STAT4: variants seen among roughly 807,000 people sequenced by gnomAD.
STAT4 encodes signal transducer and activator of transcription 4.
Under a neutral mutation model 110.5 loss-of-function variants are expected in STAT4, and 42 were observed. That is an observed-to-expected ratio of 0.38 (90% CI 0.30 to 0.49). The LOEUF is 0.49. STAT4 is among the 20% of genes least tolerant of loss of function. The pLI is 0.95. For missense variants in STAT4, 632 were observed against 887.9 expected, an observed-to-expected ratio of 0.71 and a Z score of 3.66; for synonymous variants, 284 against 302.2, an observed-to-expected ratio of 0.94 and a Z score of 0.63.
intron 14 of STAT4, among the ~76,000 whole-genome samples, chr2:191,044,148 A>C (rs1004189455): frequency 6.6e-6 from 1 of 152,174 alleles, no homozygotes; most frequent in Admixed American, 6.5e-5. Context: ...TCAATAGTCT[A>C]TAAAAATGAA....
intron 3 of STAT4, among the ~76,000 whole-genome samples, chr2:191,097,056 C>A (rs550112829): frequency 6.6e-6 from 1 of 152,274 alleles, no homozygotes; most frequent in South Asian, 2.1e-4. Context: ...AGGAATCCAA[C>A]TTACAAGGGA....
At position 191,031,370 on chromosome 2, in the gene STAT4, T is replaced by TA. The variant is rs2125135229; in HGVS notation, c.2111+79_2111+80insT. 1 of 1,382,658 alleles carries TA rather than the reference T, an allele frequency of 7.2e-7. No homozygotes were observed. The highest frequency in any genetic ancestry group is 1.3e-5 in the South Asian group (1 of 78,566). The allele number at this position is 1,382,658 out of a possible 1,614,324, so 85.6% of individuals were successfully genotyped here. A position where few individuals can be genotyped will look rare whatever the true frequency, so the allele number is the denominator to read the frequency against. ...CATTACAATGCTTTGTTCTCAGTTA[T>TA]GTGTACTCTGCTCTACCTTTAAATC... On this transcript the variant is annotated intron_variant, in intron 22 of 23. Transcript: ENST00000392320. This position sits in a 1 kb window ranked among gnomAD's most constrained non-coding sequence, Gnocchi z 4.8.
Position 191,034,457 on chromosome 2 carries a change from A to G in STAT4, c.1620+91T>C, listed in dbSNP as rs186311544. 3.4e-5 allele frequency: 33 copies of G among 970,402 alleles called. No individual in the cohort carries two copies. In the Middle Eastern group the frequency reaches 1.1e-3, roughly 32 times the overall value. 60.1% of individuals were successfully genotyped at this position (970,402 alleles called of 1,614,324 possible). Reference sequence around the variant, plus strand: ...AAAAAAAGAAAAATTCTTATCTGGGAAATTCTCAAAACCCCATGTAGTAAT... The same window carrying G: ...AAAAAAAGAAAAATTCTTATCTGGGGAATTCTCAAAACCCCATGTAGTAAT... On this transcript the variant is annotated intron_variant, in intron 18 of 23. Coordinates refer to ENST00000392320, the MANE Select transcript of STAT4 (RefSeq NM_003151.4).
Position 191,086,371 on chromosome 2 carries a change from G to T in STAT4, c.274-10046C>A, listed in dbSNP as rs1361095039. 6.6e-6 allele frequency among the ~76,000 whole-genome samples: 1 copy of T among 152,100 alleles called. No homozygotes were observed. The highest frequency in any genetic ancestry group is 1.5e-5 in the Non-Finnish European group (1 of 68,026). On this transcript the variant is annotated intron_variant, in intron 3 of 23. Coordinates refer to ENST00000392320, the MANE Select transcript of STAT4 (RefSeq NM_003151.4). The surrounding 1 kb of genome is among the most constrained non-coding windows in gnomAD (Gnocchi z 5.5). ...TATCTGCAAGCATAGATAAATCCTT[G>T]GCTGGGCTTGAGGCTTTTAAAAGGT...
Position 191,148,065 on chromosome 2 carries a change from T to C in STAT4, c.128+11A>G. Reference sequence around the variant, plus strand: ...TGCATCAACTTCTAGGGAAAATATGTTTGATCCTACCAGTCTTGATTTTCA... The same window carrying C: ...TGCATCAACTTCTAGGGAAAATATGCTTGATCCTACCAGTCTTGATTTTCA... On this transcript the variant is annotated intron_variant, in intron 2 of 23. Coordinates refer to ENST00000392320, the MANE Select transcript of STAT4 (RefSeq NM_003151.4). 6.2e-7 allele frequency: 1 copy of C among 1,613,318 alleles called. No individual in the cohort carries two copies. Among genetic ancestry groups the C allele is most frequent in the Non-Finnish European group, 8.5e-7 (1 of 1,179,556 alleles).
chr2:191,066,605 C>G lies in STAT4; in HGVS notation c.545-90G>C, dbSNP rs1311795760. The G allele has an allele frequency of 8.3e-7, 1 of 1,198,172 alleles. No homozygotes were observed. Among genetic ancestry groups the G allele is most frequent in the Non-Finnish European group, 1.2e-6 (1 of 834,062 alleles). The allele number at this position is 1,198,172 out of a possible 1,614,324, so 74.2% of individuals were successfully genotyped here. On this transcript the variant is annotated intron_variant, in intron 6 of 23. Coordinates refer to ENST00000392320, the MANE Select transcript of STAT4 (RefSeq NM_003151.4). This position sits in a 1 kb window ranked among gnomAD's most constrained non-coding sequence, Gnocchi z 4.3. ...CCACCATCCTAAAACAGCCCTGGCC[C>G]GGAGAACTTATGTGGTAAGAGACTA...
Position 191,059,824 on chromosome 2 carries a change from C to T in STAT4, c.1035-1055G>A, listed in dbSNP as rs918092221. On this transcript the variant is annotated intron_variant, in intron 10 of 23. Transcript: ENST00000392320. This position sits in a 1 kb window ranked among gnomAD's most constrained non-coding sequence, Gnocchi z 4.7. ...CAGGATCTGGAGTATGTTGAGTGTG[C>T]AGTCATTGGTGGTGAATGGTGAGAA... is the stretch of plus-strand genomic sequence containing the variant. Among the ~76,000 whole-genome samples the T allele has an allele frequency of 6.6e-6, 1 of 152,122 alleles. No individual in the cohort carries two copies. Among genetic ancestry groups the T allele is most frequent in the Non-Finnish European group, 1.5e-5 (1 of 68,016 alleles).
intron 18 of STAT4, 96 bp downstream of exon 18, chr2:191,034,452 C>G: frequency 1.2e-6 from 1 of 846,714 alleles, no homozygotes. Context: ...AAATTCTTAT[C>G]TGGGAAATTC....
At chr2:191,151,398 C>T (rs1266516142), upstream of STAT4, 3 of 985,554 alleles carry the variant, frequency 3.0e-6, no homozygotes, top group Admixed American at 6.1e-5. The surrounding 1 kb of genome is among the most constrained non-coding windows in gnomAD (Gnocchi z 4.7). Flanking sequence ...TGGTGAACCA[C>T]CCCTGGGATG....
At position 191,091,139 on chromosome 2, in the gene STAT4, T is replaced by C. The variant is rs930780935; in HGVS notation, c.274-14814A>G. On this transcript the variant is annotated intron_variant, in intron 3 of 23. Coordinates refer to ENST00000392320, the MANE Select transcript of STAT4 (RefSeq NM_003151.4). The surrounding 1 kb of genome is among the most constrained non-coding windows in gnomAD (Gnocchi z 5.4). ...AGATTATAAGGACAAGAAAATGAAATAGTAAACGTAAATATTGGTAAAGGG... is the reference window on the plus strand; with the variant it reads ...AGATTATAAGGACAAGAAAATGAAACAGTAAACGTAAATATTGGTAAAGGG... 7.2e-5 allele frequency among the ~76,000 whole-genome samples: 11 copies of C among 152,062 alleles called. No homozygotes were observed. Among genetic ancestry groups the C allele is most frequent in the African/African-American group, 2.7e-4 (11 of 41,384 alleles).
intron 16 of STAT4, among the ~76,000 whole-genome samples, chr2:191,036,776 G>A (rs1256551263): frequency 6.6e-6 from 1 of 152,184 alleles, no homozygotes; most frequent in Non-Finnish European, 1.5e-5. Flanking sequence ...TCTTTCTTCT[G>A]AGGAGGCAAG....
intron 3 of STAT4, among the ~76,000 whole-genome samples, chr2:191,098,434 TA>T (rs1304786085): frequency 1.3e-5 from 2 of 152,054 alleles, no homozygotes; most frequent in African/African-American, 2.4e-5. Context: ...TATGCAGCCA[TA>T]AAAAAGGATG....
chr2:191,096,314 A>G (rs1463644381), intron 3 of STAT4, among the ~76,000 whole-genome samples: 1 of 152,114 alleles, frequency 6.6e-6, no homozygotes, highest in African/African-American at 2.4e-5. Context: ...GAGACACAAC[A>G]AAAAAAGAGA....
rs1698107183 is a variant in STAT4 at position 191,099,776 on chromosome 2, G to A, written c.274-23451C>T. 6.6e-6 allele frequency among the ~76,000 whole-genome samples: 1 copy of A among 151,878 alleles called. No homozygotes were observed. On this transcript the variant is annotated intron_variant, in intron 3 of 23. Transcript: ENST00000392320. The surrounding 1 kb of genome is among the most constrained non-coding windows in gnomAD (Gnocchi z 4.1). ...CTTTGAAGGTAGTGGTGTGGATGGA[G>A]GTAAGGAAAAAAGAAGTGGGATAAA...
intron 3 of STAT4, among the ~76,000 whole-genome samples, chr2:191,141,287 G>A (rs1699314230): frequency 6.6e-6 from 1 of 151,104 alleles, no homozygotes; most frequent in Admixed American, 6.6e-5. Flanking sequence ...ACAGATATAA[G>A]AAAAAATGCT....
rs1695892673 is a variant in STAT4 at position 191,031,505 on chromosome 2, T to C, written c.2056A>G (p.Thr686Ala). 1 of 1,613,006 alleles carries C rather than the reference T, an allele frequency of 6.2e-7. No individual in the cohort carries two copies. Among genetic ancestry groups the C allele is most frequent in the Admixed American group, 1.7e-5 (1 of 59,936 alleles). The change falls in exon 22 of 24, where the codon ACA (threonine) becomes GCA (alanine). Residue 686 changes from threonine to alanine, a missense_variant. Physicochemically the swap from Thr to Ala is moderately conservative, Grantham distance 58. This residue lies in a region of STAT4 where 38 missense variants were observed against 33.2 expected (regional missense o/e 1.15). Transcript: ENST00000392320. The surrounding 1 kb of genome is among the most constrained non-coding windows in gnomAD (Gnocchi z 4.8). Reference protein sequence around the residue: ...SSQPCEVSRPTERGDKGYVPS... With the variant: ...SSQPCEVSRPAERGDKGYVPS... ...ACATAACCTTTGTCACCCCTTTCTG[T>C]TGGTCTTGAAACTGGAAAACAAAAA...
rs1372678539 is a variant in STAT4, at chr2:191,037,174, A to G, written c.1435-875T>C. 6.6e-6 allele frequency among the ~76,000 whole-genome samples: 1 copy of G among 152,160 alleles called. No homozygotes were observed. The highest frequency in any genetic ancestry group is 1.9e-4 in the East Asian group (1 of 5,192). ...TTGGTTTATCGTGGGGTTGGCACAA[A>G]TTTTACCTTGACCAGACCAATCATC... On this transcript the variant is annotated intron_variant, in intron 16 of 23. Coordinates refer to ENST00000392320, the MANE Select transcript of STAT4 (RefSeq NM_003151.4). The surrounding 1 kb of genome is among the most constrained non-coding windows in gnomAD (Gnocchi z 4.8).
In STAT4 at chr2:191,091,598, A is replaced by G. The variant is rs2125309326; in HGVS notation, c.274-15273T>C. Among the ~76,000 whole-genome samples, 1 of 152,338 alleles carries G rather than the reference A, an allele frequency of 6.6e-6. No homozygotes were observed. Among genetic ancestry groups the G allele is most frequent in the East Asian group, 1.9e-4 (1 of 5,188 alleles). ...AGTCAATGAAGTGATCTTAAAGTTC[A>G]TATGTGACAGAAAATGTCTGACAAC... On this transcript the variant is annotated intron_variant, in intron 3 of 23. Transcript: ENST00000392320. The surrounding 1 kb of genome is among the most constrained non-coding windows in gnomAD (Gnocchi z 5.4).
At position 191,091,635 on chromosome 2, in the gene STAT4, T is replaced by C. The variant is rs1426783537; in HGVS notation, c.274-15310A>G. Among the ~76,000 whole-genome samples, 1 of 152,192 alleles carries C rather than the reference T, an allele frequency of 6.6e-6. No homozygotes were observed. Among genetic ancestry groups the C allele is most frequent in the African/African-American group, 2.4e-5 (1 of 41,454 alleles). On this transcript the variant is annotated intron_variant, in intron 3 of 23. Transcript: ENST00000392320. The surrounding 1 kb of genome is among the most constrained non-coding windows in gnomAD (Gnocchi z 5.4). ...AAATGTCTGACAACAGCTATGATAG[T>C]CACAAAGGCTAATTTCTTACTGCTT...
Sources: allele counts gnomAD v4.1 joint callset (sites outside exome capture counted in the v4.1 genomes callset), GRCh38; gene constraint gnomAD v4.1.1; regional missense constraint gnomAD v4.1.1; non-coding constraint Gnocchi (gnomAD v3.1); transcripts MANE v1.5; gene names NCBI Gene and HGNC (gene_info 2026-07-23, HGNC 2026-07-21).